ACACA: variants seen among roughly 807,000 people sequenced by gnomAD.
ACACA encodes acetyl-CoA carboxylase alpha, also known as acetyl-CoA carboxylase 1.
A neutral mutation model predicts 296.1 loss-of-function variants in ACACA; 103 were observed. The ratio of observed to expected loss-of-function variants is 0.35; its 90% CI spans 0.30 to 0.41. ACACA has a LOEUF of 0.41. Among genes scored for constraint, ACACA ranks in the 10% least tolerant of loss-of-function variants. The pLI is 1.00. For synonymous variants in ACACA, 953 were observed against 1,038.6 expected, an observed-to-expected ratio of 0.92 and a Z score of 1.58; for missense variants, 1,554 against 2,989.7, an observed-to-expected ratio of 0.52 and a Z score of 11.20.
intron 1 of ACACA, among the ~76,000 whole-genome samples, chr17:37,370,867 C>T (rs972351432): frequency 1.0e-4 from 15 of 149,798 alleles, no homozygotes; most frequent in Admixed American, 4.0e-4. Flanking sequence ...GCCTGTAATC[C>T]CAGCTGCTTG....
At position 37,189,693 on chromosome 17, in the gene ACACA, A is replaced by C. The variant is rs1413220188; in HGVS notation, c.4573-1213T>G. ...TGTACAGTGTCCATGCCATGTTTTAAGTTTCCCAGCTTATTAGTCCCAGAA... is the reference window on the plus strand; with the variant it reads ...TGTACAGTGTCCATGCCATGTTTTACGTTTCCCAGCTTATTAGTCCCAGAA... On this transcript the variant is annotated intron_variant, in intron 38 of 55. Coordinates refer to ENST00000616317, the MANE Select transcript of ACACA (RefSeq NM_198834.3). 3.9e-5 allele frequency among the ~76,000 whole-genome samples: 6 copies of C among 152,200 alleles called. No individual in the cohort carries two copies. In the East Asian group the frequency reaches 9.6e-4, roughly 24 times the overall value.
In ACACA at chr17:37,376,057, G is replaced by A. The variant is rs751226127; in HGVS notation, c.38+30205C>T. 3.2e-6 allele frequency: 5 copies of A among 1,576,752 alleles called. No homozygotes were observed. In the South Asian group the frequency reaches 4.4e-5, roughly 14 times the overall value. On this transcript the variant is annotated intron_variant, in intron 1 of 55. Coordinates refer to ENST00000616317, the MANE Select transcript of ACACA (RefSeq NM_198834.3). ...TATCAAGGGCTGTGACAGATGAGCA[G>A]TGGTCTGTCTGCAATGAGCATGTGC...
chr17:37,260,327 T>G lies in ACACA; in HGVS notation c.1330-797A>C, dbSNP rs187542335. ...TTTTTTTTTTTTTTTGGAGATGGAG[T>G]CTCGCTTTGTCACCCACCCAGGATG... On this transcript the variant is annotated intron_variant, in intron 11 of 55. Transcript: ENST00000616317. 1.2e-4 allele frequency among the ~76,000 whole-genome samples: 14 copies of G among 112,148 alleles called. No individual in the cohort carries two copies. In the East Asian group the frequency reaches 3.7e-3, roughly 30 times the overall value. The allele number at this position is 112,148 out of a possible 152,430, so 73.6% of individuals were successfully genotyped here.
At chr17:37,321,278 A>G (rs1252024310) in intron 3 of ACACA, among the ~76,000 whole-genome samples, 3 of 152,204 alleles carry the variant, frequency 2.0e-5, no homozygotes, top group Non-Finnish European at 4.4e-5. Context: ...TGACCTTGAC[A>G]CTATTACTGC....
At chr17:37,130,954 C>CA (rs1404385032) in intron 45 of ACACA, among the ~76,000 whole-genome samples, 2 of 147,000 alleles carry the variant, frequency 1.4e-5, no homozygotes, top group Non-Finnish European at 3.0e-5. Flanking sequence ...CATTTAATGG[C>CA]AAAACCACAA....
chr17:37,221,482 G>A, intron 29 of ACACA: 1 of 540,694 alleles, frequency 1.8e-6, no homozygotes. Flanking sequence ...TATTTCCTCA[G>A]TGACATAATA....
chr17:37,128,023 TCAAAAAAA>T (rs1326810454), intron 47 of ACACA, among the ~76,000 whole-genome samples: 2 of 22,532 alleles, frequency 8.9e-5, no homozygotes, highest in South Asian at 1.4e-3. Flanking sequence ...AAACTCCATC[TCAAAAAAA>T]AAAAAAAAAA....
intron 50 of ACACA, among the ~76,000 whole-genome samples, chr17:37,120,315 A>C (rs942180679): frequency 6.7e-6 from 1 of 149,218 alleles, no homozygotes; most frequent in Non-Finnish European, 1.5e-5. Flanking sequence ...GCCCAGGCTA[A>C]AGTGCAGTGG....
At chr17:37,356,230 A>G (rs2049135841) in intron 1 of ACACA, among the ~76,000 whole-genome samples, 1 of 152,206 alleles carries the variant, frequency 6.6e-6, no homozygotes, top group South Asian at 2.1e-4. Context: ...ATCTGTTAAT[A>G]ATCTGTTAAA....
At chr17:37,202,700 TATATATATATATACACAC>T (rs2078313891) in intron 33 of ACACA, among the ~76,000 whole-genome samples, 3 of 17,922 alleles carry the variant, frequency 1.7e-4, no homozygotes, top group South Asian at 3.8e-3. Context: ...TATATATATA[TATATATATATATACACAC>T]ACACATATAT....
At chr17:37,123,595 G>A (rs2074629071) in intron 48 of ACACA, among the ~76,000 whole-genome samples, 1 of 152,100 alleles carries the variant, frequency 6.6e-6, no homozygotes, top group Non-Finnish European at 1.5e-5. Flanking sequence ...ATGACAGATG[G>A]CCTTTGGTTG....
At chr17:37,255,248 G>C (rs191782049) in intron 14 of ACACA, among the ~76,000 whole-genome samples, 13 of 152,270 alleles carry the variant, frequency 8.5e-5, no homozygotes, top group African/African-American at 3.1e-4. Context: ...ACAAGACACA[G>C]TCCTGTTCTC....
chr17:37,237,274 T>A (rs2080157374), intron 24 of ACACA, among the ~76,000 whole-genome samples: 3 of 152,204 alleles, frequency 2.0e-5, no homozygotes, highest in Admixed American at 2.0e-4. Context: ...CTATGTATAT[T>A]TAGATTGTTT....
intron 3 of ACACA, among the ~76,000 whole-genome samples, chr17:37,300,163 G>C (rs1440093747): frequency 6.6e-6 from 1 of 152,150 alleles, no homozygotes; most frequent in Admixed American, 6.5e-5. Flanking sequence ...AAAAGGAAAA[G>C]AGACCCTGAC....
intron 3 of ACACA, among the ~76,000 whole-genome samples, chr17:37,329,147 G>T (rs1372421597): frequency 6.6e-6 from 1 of 152,136 alleles, no homozygotes; most frequent in Non-Finnish European, 1.5e-5. Context: ...CCCTTTATTG[G>T]GGACTGGCCC....
At chr17:37,360,965 C>G (rs549011274) in intron 1 of ACACA, among the ~76,000 whole-genome samples, 55 of 152,210 alleles carry the variant, frequency 3.6e-4, no homozygotes, top group African/African-American at 1.3e-3. Context: ...GAACTAAAAA[C>G]CATGCGGTTG....
At chr17:37,115,955 T>C (rs1223607579) in intron 50 of ACACA, among the ~76,000 whole-genome samples, 1 of 152,130 alleles carries the variant, frequency 6.6e-6, no homozygotes, top group Admixed American at 6.5e-5. Flanking sequence ...TTGTTGGCCC[T>C]AATGTCCACA....
chr17:37,179,522 G>T, intron 40 of ACACA, 116 bp from the exon 41 acceptor site: 1 of 1,128,852 alleles, frequency 8.9e-7, no homozygotes, highest in Non-Finnish European at 1.3e-6. Context: ...TCTGCAGAGT[G>T]TAAACATTAG....
At chr17:37,229,081 T>C (rs921348872) in intron 25 of ACACA, among the ~76,000 whole-genome samples, 1 of 150,412 alleles carries the variant, frequency 6.6e-6, no homozygotes. Flanking sequence ...GAGGCAGAGC[T>C]TGCAGTGAGC....
Sources: gnomAD v4.1 joint callset for allele counts (sites outside exome capture counted in the v4.1 genomes callset) on GRCh38, gnomAD v4.1.1 for gene constraint, MANE v1.5 for transcripts, NCBI Gene and HGNC (gene_info 2026-07-23, HGNC 2026-07-21) for gene names.